The following PGS1 variants were observed in gnomAD, a reference collection of about 807,000 sequenced individuals.
The protein encoded by PGS1 is phosphatidylglycerophosphate synthase 1, also known as CDP-diacylglycerol--glycerol-3-phosphate 3-phosphatidyltransferase, mitochondrial.
In PGS1, 44 loss-of-function variants were observed where a neutral mutation model predicts 58.3. The ratio of observed to expected loss-of-function variants is 0.75; its 90% CI spans 0.59 to 0.97. PGS1 has a LOEUF of 0.97. PGS1 is among the 50% of genes least tolerant of loss of function. The pLI is 0.00. For synonymous variants in PGS1, 330 were observed against 311.0 expected (o/e 1.06, Z -0.64); for missense variants, 684 against 731.1 (o/e 0.94, Z 0.74).
Position 78,400,942 on chromosome 17 carries a change from C to T in PGS1, c.880+87C>T. On this transcript the variant is annotated intron_variant, in intron 6 of 9. Coordinates refer to ENST00000262764, the MANE Select transcript of PGS1 (RefSeq NM_024419.5). This position sits in a 1 kb window ranked among gnomAD's most constrained non-coding sequence, Gnocchi z 4.4. ...AGCACAACTCTAGGTGGTTCTGCCA[C>T]AGGCATAGGGGACTTGGGTGGCAAG... is the stretch of plus-strand genomic sequence containing the variant. 1 of 1,189,720 alleles carries T rather than the reference C, an allele frequency of 8.4e-7. No homozygotes were observed. Among genetic ancestry groups the T allele is most frequent in the South Asian group, 1.5e-5 (1 of 65,186 alleles). 73.7% of individuals were successfully genotyped at this position (1,189,720 alleles called of 1,614,324 possible).
chr17:78,422,171 C>T (rs1180053509), intron 9 of PGS1, among the ~76,000 whole-genome samples: 1 of 152,052 alleles, frequency 6.6e-6, no homozygotes, highest in East Asian at 1.9e-4. Flanking sequence ...CCCCTGGTGG[C>T]TTTAGCTCCC....
rs2083389243 is a variant in PGS1, at chr17:78,398,194, T to C, written c.412-58T>C. ...TAGCCGATGGGGCGATTTGTTTTTC[T>C]TTAAATACACACACCTCTTTGGGTC... On this transcript the variant is annotated intron_variant, in intron 3 of 9. Transcript: ENST00000262764. The C allele has an allele frequency of 1.3e-5, 17 of 1,295,398 alleles. No individual in the cohort carries two copies. The South Asian group carries it at 1.9e-4, about 14-fold the overall frequency. The allele number at this position is 1,295,398 out of a possible 1,614,324, so 80.2% of individuals were successfully genotyped here.
Position 78,424,061 on chromosome 17 carries a change from G to A in PGS1, c.*11G>A, listed in dbSNP as rs764526288. On this transcript the variant is annotated splice_region_variant and 3_prime_UTR_variant, in exon 10 of 10. Transcript: ENST00000262764. ...TTCTTGGTCTCCATGCGGTCCACAG[G>A]AATGGCCTTGATGAAGATGACAGGC... 6.2e-7 allele frequency: 1 copy of A among 1,614,042 alleles called. No individual in the cohort carries two copies. Among genetic ancestry groups the A allele is most frequent in the South Asian group, 1.1e-5 (1 of 91,086 alleles).
chr17:78,400,894 G>C lies in PGS1; in HGVS notation c.880+39G>C, dbSNP rs1486885364. On this transcript the variant is annotated intron_variant, in intron 6 of 9. Coordinates refer to ENST00000262764, the MANE Select transcript of PGS1 (RefSeq NM_024419.5). This position sits in a 1 kb window ranked among gnomAD's most constrained non-coding sequence, Gnocchi z 4.4. ...CTGACACCCTTCTATGGCTGTGGGT[G>C]GGGTGGAGTGAGGGCCCGGGAGAGC... 2 of 1,521,620 alleles carry C rather than the reference G, an allele frequency of 1.3e-6. No homozygotes were observed. The highest frequency in any genetic ancestry group is 1.4e-5 in the African/African-American group (1 of 73,242). 94.3% of individuals were successfully genotyped at this position (1,521,620 alleles called of 1,614,324 possible).
chr17:78,420,087 T>G, intron 9 of PGS1: 1 of 1,054,294 alleles, frequency 9.5e-7, no homozygotes, highest in Non-Finnish European at 1.2e-6. Flanking sequence ...GGGAGCACGT[T>G]TGCTCGTGAG....
intron 2 of PGS1, among the ~76,000 whole-genome samples, chr17:78,393,343 AGCCACCGC>A (rs1409555804): frequency 6.6e-6 from 1 of 152,188 alleles, no homozygotes; most frequent in Non-Finnish European, 1.5e-5. Flanking sequence ...TACAGGCATG[AGCCACCGC>A]GCCCGGCCTA....
chr17:78,417,070 A>G (rs1025558503), intron 8 of PGS1, among the ~76,000 whole-genome samples: 9 of 152,194 alleles, frequency 5.9e-5, no homozygotes, highest in African/African-American at 1.9e-4. Flanking sequence ...AGTACATACA[A>G]TAAACACTGA....
intron 9 of PGS1, chr17:78,422,052 A>G (rs1038374879): frequency 6.6e-6 from 1 of 152,242 alleles, no homozygotes; most frequent in Non-Finnish European, 1.5e-5. Flanking sequence ...ACTACCCACA[A>G]TATGTATGTG....
At chr17:78,383,790 G>C (rs748199761) in intron 1 of PGS1, among the ~76,000 whole-genome samples, 4 of 152,154 alleles carry the variant, frequency 2.6e-5, no homozygotes, top group Non-Finnish European at 5.9e-5. Flanking sequence ...ATTTACAACG[G>C]ACTGACTTTC....
At position 78,424,419 on chromosome 17, in the gene PGS1, C is replaced by T; in HGVS notation, c.*369C>T. ...GTTTAAATCTGTGGCATTTTCAGAG[C>T]CTCATCTGTCAGCCTTAATGTCAGT... On this transcript the variant is annotated 3_prime_UTR_variant, in exon 10 of 10. Transcript: ENST00000262764. The T allele has an allele frequency of 2.3e-6, 1 of 427,002 alleles. No homozygotes were observed. The highest frequency in any genetic ancestry group is 4.2e-6 in the Non-Finnish European group (1 of 237,160). 26.5% of individuals were successfully genotyped at this position (427,002 alleles called of 1,614,324 possible).
At chr17:78,403,474 T>C (rs1042008845) in intron 6 of PGS1, 94 bp from the exon 7 acceptor site, 13 of 1,307,180 alleles carry the variant, frequency 9.9e-6, no homozygotes, top group Admixed American at 5.9e-5. Flanking sequence ...TTGTAGCGTC[T>C]GCACTTGCCT....
intron 4 of PGS1, among the ~76,000 whole-genome samples, chr17:78,398,644 C>T (rs933533690): frequency 1.3e-5 from 2 of 152,218 alleles, no homozygotes; most frequent in Admixed American, 6.5e-5. Flanking sequence ...TGAGTCCAGC[C>T]TGGGCAACAT....
intron 3 of PGS1, among the ~76,000 whole-genome samples, chr17:78,396,792 T>C (rs749132964): frequency 1.7e-4 from 26 of 152,400 alleles, no homozygotes; most frequent in East Asian, 9.6e-4. Context: ...TTGTGACTTA[T>C]GAAAACTTTA....
chr17:78,380,782 T>C (rs1055754831), intron 1 of PGS1: 2 of 152,232 alleles, frequency 1.3e-5, no homozygotes, highest in African/African-American at 4.8e-5. Flanking sequence ...CTAAAGGATG[T>C]TGGGGCAGTT....
chr17:78,405,135 T>C (rs1344345410), intron 7 of PGS1, among the ~76,000 whole-genome samples: 1 of 151,748 alleles, frequency 6.6e-6, no homozygotes, highest in Non-Finnish European at 1.5e-5. Context: ...GTAGCTGAGA[T>C]TACAGGCATG....
chr17:78,394,102 G>GT, intron 2 of PGS1, among the ~76,000 whole-genome samples: 1 of 148,712 alleles, frequency 6.7e-6, no homozygotes, highest in Admixed American at 6.8e-5. Context: ...AACCCGGGAG[G>GT]TGGAGGTTGC....
intron 5 of PGS1, 75 bp downstream of exon 5, chr17:78,399,612 G>A (rs1310805092): frequency 1.4e-6 from 2 of 1,457,790 alleles, no homozygotes; most frequent in East Asian, 4.6e-5. Flanking sequence ...GGAACAGTGG[G>A]AAACCCGTTC....
At chr17:78,422,346 G>A (rs781545992) in intron 9 of PGS1, among the ~76,000 whole-genome samples, 23 of 152,246 alleles carry the variant, frequency 1.5e-4, no homozygotes, top group Non-Finnish European at 2.9e-4. Flanking sequence ...TAGCCCTACT[G>A]GGCGCTAAGA....
rs113785037 is a variant in PGS1 at position 78,387,232 on chromosome 17, G to A, written c.144-5244G>A. On this transcript the variant is annotated intron_variant, in intron 1 of 9. Transcript: ENST00000262764. ...TTGGCTAGGCTGGTCTCGATCTCCT[G>A]GCCTCAGGTGATCTGACTGTGCAGG... Among the ~76,000 whole-genome samples the A allele has an allele frequency of 5.3e-3, 800 of 152,070 alleles. 5 individuals are homozygous for A. Among genetic ancestry groups the A allele is most frequent in the African/African-American group, 0.018 (743 of 41,462 alleles).
Sources: allele counts gnomAD v4.1 joint callset (sites outside exome capture counted in the v4.1 genomes callset), GRCh38; gene constraint gnomAD v4.1.1; non-coding constraint Gnocchi (gnomAD v3.1); transcripts MANE v1.5; gene names NCBI Gene and HGNC (gene_info 2026-07-23, HGNC 2026-07-21).